The following IGF2BP2 variants were observed in gnomAD, a reference collection of about 807,000 sequenced individuals.
The protein encoded by IGF2BP2 is insulin like growth factor 2 mRNA binding protein 2, also known as insulin-like growth factor 2 mRNA-binding protein 2.
IGF2BP2 carries 17 observed loss-of-function variants against 75.8 expected under a neutral mutation model. The observed-to-expected ratio is 0.22, with a 90% CI of 0.15 to 0.34. The LOEUF is 0.34. Among genes scored for constraint, IGF2BP2 ranks in the 10% least tolerant of loss-of-function variants. The probability of loss-of-function intolerance (pLI) is 1.00; values close to 1 mark genes in which losing one functional copy is unlikely to be tolerated. For missense variants in IGF2BP2, 516 were observed against 772.4 expected, an observed-to-expected ratio of 0.67 and a Z score of 3.93; for synonymous variants, 288 against 295.6, an observed-to-expected ratio of 0.97 and a Z score of 0.26.
At chr3:185,681,839 G>T (rs892133110) in intron 7 of IGF2BP2, among the ~76,000 whole-genome samples, 10 of 152,088 alleles carry the variant, frequency 6.6e-5, no homozygotes, top group African/African-American at 1.2e-4. Flanking sequence ...TCAGCAGATG[G>T]TGCTGGGGAA....
chr3:185,775,003 G>C (rs1734363143), intron 2 of IGF2BP2, among the ~76,000 whole-genome samples: 1 of 151,404 alleles, frequency 6.6e-6, no homozygotes, highest in Admixed American at 6.6e-5. Context: ...CTGGGCAACA[G>C]AGTCAGACTC....
At position 185,647,553 on chromosome 3, in the gene IGF2BP2, T is replaced by G. The variant is rs1053789838; in HGVS notation, c.1594-415A>C. 6.6e-5 allele frequency among the ~76,000 whole-genome samples: 10 copies of G among 152,064 alleles called. No homozygotes were observed. The highest frequency in any genetic ancestry group is 1.3e-4 in the Non-Finnish European group (9 of 67,988). Reference sequence around the variant, plus strand: ...CTGACCACGAGCCCAAACCTCCTCTTGGTTAACTTTCCCTGCGAATCAGCC... The same window carrying G: ...CTGACCACGAGCCCAAACCTCCTCTGGGTTAACTTTCCCTGCGAATCAGCC... On this transcript the variant is annotated intron_variant, in intron 14 of 15. Coordinates refer to ENST00000382199, the MANE Select transcript of IGF2BP2 (RefSeq NM_006548.6). This position sits in a 1 kb window ranked among gnomAD's most constrained non-coding sequence, Gnocchi z 4.9.
intron 2 of IGF2BP2, among the ~76,000 whole-genome samples, chr3:185,780,876 G>C (rs986996017): frequency 3.9e-5 from 6 of 152,156 alleles, no homozygotes; most frequent in Non-Finnish European, 7.3e-5. Flanking sequence ...TAACCAGTAA[G>C]TGGCAAAGCT....
At chr3:185,755,633 C>T (rs1731520933) in intron 2 of IGF2BP2, among the ~76,000 whole-genome samples, 1 of 152,202 alleles carries the variant, frequency 6.6e-6, no homozygotes, top group African/African-American at 2.4e-5. Context: ...CCTTGGGAGT[C>T]CACCTTTCAA....
At chr3:185,782,124 C>T (rs111379068) in intron 2 of IGF2BP2, among the ~76,000 whole-genome samples, 200 of 152,258 alleles carry the variant, frequency 1.3e-3, no homozygotes, top group African/African-American at 4.7e-3. Context: ...AGTAAGACAA[C>T]TCCTTCCTTC....
At chr3:185,658,203 T>C in intron 11 of IGF2BP2, 138 bp downstream of exon 11, 1 of 831,062 alleles carries the variant, frequency 1.2e-6, no homozygotes, top group Non-Finnish European at 2.0e-6. Context: ...GCTCAGGCTT[T>C]GAGGTGTGTC....
chr3:185,668,045 TATC>T (rs1717916259), intron 10 of IGF2BP2, among the ~76,000 whole-genome samples: 2 of 152,238 alleles, frequency 1.3e-5, no homozygotes, highest in South Asian at 4.1e-4. Context: ...TAACTTGTTT[TATC>T]ATGTTATTCA....
chr3:185,767,006 C>A (rs760657215), intron 2 of IGF2BP2, among the ~76,000 whole-genome samples: 1 of 152,120 alleles, frequency 6.6e-6, no homozygotes, highest in South Asian at 2.1e-4. Flanking sequence ...GTGTAAAGTC[C>A]CTCCTTCCTA....
chr3:185,798,630 A>C (rs558829660), intron 2 of IGF2BP2, among the ~76,000 whole-genome samples: 1 of 152,238 alleles, frequency 6.6e-6, no homozygotes, highest in East Asian at 1.9e-4. Context: ...GGACGTTAAC[A>C]CCCAAATATA....
chr3:185,675,223 T>C, intron 9 of IGF2BP2, 73 bp downstream of exon 9: 1 of 1,504,938 alleles, frequency 6.6e-7, no homozygotes, highest in South Asian at 1.2e-5. Flanking sequence ...CCTAAGGCAC[T>C]TCCTCATTAG....
chr3:185,777,617 GATC>G (rs1484226189), intron 2 of IGF2BP2, among the ~76,000 whole-genome samples: 2 of 152,178 alleles, frequency 1.3e-5, no homozygotes, highest in Non-Finnish European at 2.9e-5. Context: ...AAACAAGTAA[GATC>G]ATTATTTACC....
intron 12 of IGF2BP2, among the ~76,000 whole-genome samples, chr3:185,655,333 AT>A (rs1281945649): frequency 6.6e-6 from 1 of 151,948 alleles, no homozygotes; most frequent in Non-Finnish European, 1.5e-5. Flanking sequence ...GTTTCACCCT[AT>A]TGCCCAGGCT....
chr3:185,685,223 C>T (rs1720949151), intron 7 of IGF2BP2, among the ~76,000 whole-genome samples: 1 of 151,978 alleles, frequency 6.6e-6, no homozygotes, highest in South Asian at 2.1e-4. Context: ...TGGCAGGCAC[C>T]TGTAATTCCA....
chr3:185,820,062 AATGTC>A (rs1487832573), intron 2 of IGF2BP2, among the ~76,000 whole-genome samples: 3 of 152,020 alleles, frequency 2.0e-5, no homozygotes, highest in Non-Finnish European at 4.4e-5. Flanking sequence ...TCAGTGAAAG[AATGTC>A]TAGAACCACT....
intron 3 of IGF2BP2, among the ~76,000 whole-genome samples, chr3:185,697,579 A>G (rs940219658): frequency 1.3e-5 from 2 of 152,188 alleles, no homozygotes; most frequent in African/African-American, 4.8e-5. Flanking sequence ...AAATCTTATA[A>G]GCTTTACAAC....
intron 10 of IGF2BP2, among the ~76,000 whole-genome samples, chr3:185,664,337 G>A (rs1716945782): frequency 1.3e-5 from 2 of 152,302 alleles, no homozygotes; most frequent in South Asian, 2.1e-4. Context: ...GGGGTCTGGG[G>A]AGCATGCTAA....
chr3:185,750,263 C>T (rs1369322712), intron 2 of IGF2BP2, among the ~76,000 whole-genome samples: 1 of 152,172 alleles, frequency 6.6e-6, no homozygotes, highest in South Asian at 2.1e-4. Context: ...ACTGGAAAGC[C>T]GCATTGTGAA....
intron 2 of IGF2BP2, among the ~76,000 whole-genome samples, chr3:185,738,569 T>C (rs1729146536): frequency 6.6e-6 from 1 of 152,210 alleles, no homozygotes; most frequent in Admixed American, 6.5e-5. Context: ...GAACCAGTTG[T>C]TGGTCTTTGC....
intron 13 of IGF2BP2, among the ~76,000 whole-genome samples, chr3:185,649,793 G>C (rs1293952161): frequency 6.6e-6 from 1 of 152,214 alleles, no homozygotes; most frequent in Non-Finnish European, 1.5e-5. Context: ...GCCTCCTCTA[G>C]GGAGCTTTCT....
Sources: gnomAD v4.1 joint callset for allele counts (sites outside exome capture counted in the v4.1 genomes callset) on GRCh38, gnomAD v4.1.1 for gene constraint, Gnocchi (gnomAD v3.1) non-coding constraint, MANE v1.5 for transcripts, NCBI Gene and HGNC (gene_info 2026-07-23, HGNC 2026-07-21) for gene names.